The following POU6F2 variants were observed in gnomAD, a reference collection of about 807,000 sequenced individuals.
POU6F2 encodes POU domain, class 6, transcription factor 2.
Under a neutral mutation model 71.3 loss-of-function variants are expected in POU6F2, and 31 were observed. That is an observed-to-expected ratio of 0.43 (90% CI 0.33 to 0.59). POU6F2 has a LOEUF of 0.59. Ranked by LOEUF, POU6F2 falls within the 20% of genes least tolerant of loss-of-function variation. The probability of loss-of-function intolerance (pLI) is 0.04; values close to 1 mark genes in which losing one functional copy is unlikely to be tolerated. For missense variants in POU6F2, 783 were observed against 856.8 expected (o/e 0.91, Z 1.07); for synonymous variants, 347 against 355.7 (o/e 0.98, Z 0.27).
At chr7:39,023,964 CT>C (rs1431847241) in intron 1 of POU6F2, among the ~76,000 whole-genome samples, 12 of 152,130 alleles carry the variant, frequency 7.9e-5, no homozygotes, top group Non-Finnish European at 2.9e-5. Flanking sequence ...AAAACCTTTG[CT>C]TAGGATTGAC....
Position 39,460,829 on chromosome 7 carries a change from CAA to C in POU6F2, c.1658+116_1658+117del, listed in dbSNP as rs1273287067. 1 of 1,251,526 alleles carries C rather than the reference CAA, an allele frequency of 8.0e-7. No individual in the cohort carries two copies. The highest frequency in any genetic ancestry group is 1.5e-5 in the African/African-American group (1 of 66,074). 77.5% of individuals were successfully genotyped at this position (1,251,526 alleles called of 1,614,324 possible). On this transcript the variant is annotated intron_variant, in intron 9 of 9. Transcript: ENST00000518318. This position sits in a 1 kb window ranked among gnomAD's most constrained non-coding sequence, Gnocchi z 4.4. Reference sequence around the variant, plus strand: ...AAGCTGGAGGGGCAGAGAGTGGGAACAAAGTTTGGGGGCAGCTATATGTTGGG... The same window carrying C: ...AAGCTGGAGGGGCAGAGAGTGGGAACAGTTTGGGGGCAGCTATATGTTGGG...
At chr7:39,059,392 A>G (rs577300144) in intron 1 of POU6F2, among the ~76,000 whole-genome samples, 23 of 152,202 alleles carry the variant, frequency 1.5e-4, no homozygotes, top group African/African-American at 5.1e-4. Context: ...CTTGCATGTG[A>G]TATTTAAAGT....
intron 2 of POU6F2, among the ~76,000 whole-genome samples, chr7:39,152,294 C>T (rs1250309518): frequency 6.6e-6 from 1 of 152,068 alleles, no homozygotes; most frequent in Middle Eastern, 3.2e-3. Flanking sequence ...ATAAGTGACC[C>T]CCCAGCTAGT....
intron 2 of POU6F2, among the ~76,000 whole-genome samples, chr7:39,200,238 C>G (rs1793870460): frequency 6.6e-6 from 1 of 152,168 alleles, no homozygotes. Flanking sequence ...CTGCTGGCTC[C>G]CTGTGGTCTT....
chr7:39,000,300 C>T (rs769936976), intron 1 of POU6F2, among the ~76,000 whole-genome samples: 3 of 152,278 alleles, frequency 2.0e-5, no homozygotes, highest in Admixed American at 6.5e-5. Flanking sequence ...TCAGAATATG[C>T]GTGCTTTTCT....
intron 1 of POU6F2, among the ~76,000 whole-genome samples, chr7:39,067,848 C>G (rs1790790700): frequency 6.6e-6 from 1 of 151,992 alleles, no homozygotes; most frequent in African/African-American, 2.4e-5. Flanking sequence ...TAATGAGATG[C>G]AAATTAAAAC....
intron 2 of POU6F2, among the ~76,000 whole-genome samples, chr7:39,117,373 CA>C (rs774854273): frequency 1.3e-5 from 2 of 152,058 alleles, no homozygotes; most frequent in Admixed American, 6.6e-5. Context: ...AAATTAAAAC[CA>C]AAAATGTTAG....
In POU6F2 at chr7:39,289,829, G is replaced by A. The variant is rs1784717641; in HGVS notation, c.599-49813G>A. Reference sequence around the variant, plus strand: ...ACATTTCCATTATTATTTGTAGTGTGGGGCAATCCTCATGGGGCTTGTCAT... The same window carrying A: ...ACATTTCCATTATTATTTGTAGTGTAGGGCAATCCTCATGGGGCTTGTCAT... On this transcript the variant is annotated intron_variant, in intron 4 of 9. Coordinates refer to ENST00000518318, the MANE Select transcript of POU6F2 (RefSeq NM_001370959.1). Among the ~76,000 whole-genome samples the A allele has an allele frequency of 2.0e-5, 3 of 152,118 alleles. 1 individual carries two copies. The South Asian group carries it at 6.2e-4, about 32-fold the overall frequency.
At chr7:39,254,789 G>T (rs887652175) in intron 4 of POU6F2, among the ~76,000 whole-genome samples, 12 of 152,128 alleles carry the variant, frequency 7.9e-5, no homozygotes, top group African/African-American at 2.7e-4. Context: ...GATCTGCCCT[G>T]CTCATGCATT....
intron 1 of POU6F2, among the ~76,000 whole-genome samples, chr7:39,018,061 T>G (rs1005504366): frequency 6.6e-6 from 1 of 152,158 alleles, no homozygotes; most frequent in Non-Finnish European, 1.5e-5. Context: ...CTTCCTAGCC[T>G]ATTGAAAAGT....
chr7:39,026,646 T>A (rs1006846467), intron 1 of POU6F2, among the ~76,000 whole-genome samples: 7 of 152,056 alleles, frequency 4.6e-5, no homozygotes, highest in Non-Finnish European at 8.8e-5. Flanking sequence ...ATATACCTAA[T>A]GCTAAATGAC....
intron 4 of POU6F2, among the ~76,000 whole-genome samples, chr7:39,252,319 G>T (rs1783936662): frequency 6.6e-6 from 1 of 151,182 alleles, no homozygotes; most frequent in African/African-American, 2.4e-5. Flanking sequence ...CTACAAACCA[G>T]TTACAAAGTT....
intron 4 of POU6F2, among the ~76,000 whole-genome samples, chr7:39,307,004 G>C (rs1270910846): frequency 1.3e-5 from 2 of 152,168 alleles, no homozygotes. Context: ...AGGGGTGCAG[G>C]GGATGTCACT....
Position 39,148,186 on chromosome 7 carries a change from T to G in POU6F2, c.278-56049T>G, listed in dbSNP as rs191295043. ...CTTACCTAGGATATGGTTGACCTTT[T>G]TGCCAGTGGGCACTTTTCTGTAGAC... On this transcript the variant is annotated intron_variant, in intron 2 of 9. Coordinates refer to ENST00000518318, the MANE Select transcript of POU6F2 (RefSeq NM_001370959.1). 5.6e-3 allele frequency among the ~76,000 whole-genome samples: 856 copies of G among 152,328 alleles called. 32 individuals carry two copies. Among genetic ancestry groups the G allele is most frequent in the Non-Finnish European group, 7.9e-4 (54 of 68,030 alleles).
intron 5 of POU6F2, among the ~76,000 whole-genome samples, chr7:39,346,565 C>G (rs980353124): frequency 3.9e-5 from 6 of 152,224 alleles, no homozygotes; most frequent in African/African-American, 1.4e-4. Context: ...AGTCCCTTCA[C>G]TGTTGGATGG....
At chr7:39,407,956 C>G (rs549004169) in intron 6 of POU6F2, among the ~76,000 whole-genome samples, 5 of 152,212 alleles carry the variant, frequency 3.3e-5, no homozygotes, top group Non-Finnish European at 7.3e-5. Flanking sequence ...GTTGTATGAA[C>G]ACTGTGCCCT....
At chr7:39,358,830 C>T (rs1786316032) in intron 5 of POU6F2, among the ~76,000 whole-genome samples, 2 of 148,770 alleles carry the variant, frequency 1.3e-5, no homozygotes, top group African/African-American at 5.0e-5. Flanking sequence ...TCTGGCTAAC[C>T]CTGAGAATAG....
intron 2 of POU6F2, among the ~76,000 whole-genome samples, chr7:39,192,587 T>C (rs1049393581): frequency 1.3e-5 from 2 of 152,210 alleles, no homozygotes; most frequent in African/African-American, 4.8e-5. Flanking sequence ...ATAAATATGG[T>C]TCCCTTTAAG....
In POU6F2 at chr7:39,433,422, T is replaced by C. The variant is rs564141473; in HGVS notation, c.1320+139T>C. On this transcript the variant is annotated intron_variant, in intron 7 of 9. Transcript: ENST00000518318. ...ACTCATCTGAACATATCGATACTTA[T>C]AAAATGGCATGTAACTCTTTTTCAT... 23 of 875,790 alleles carry C rather than the reference T, an allele frequency of 2.6e-5. No individual in the cohort carries two copies. The South Asian group carries it at 4.5e-4, about 17-fold the overall frequency. 54.3% of individuals were successfully genotyped at this position (875,790 alleles called of 1,614,324 possible).
Sources: allele counts gnomAD v4.1 joint callset (sites outside exome capture counted in the v4.1 genomes callset), GRCh38; gene constraint gnomAD v4.1.1; non-coding constraint Gnocchi (gnomAD v3.1); transcripts MANE v1.5; gene names NCBI Gene and HGNC (gene_info 2026-07-23, HGNC 2026-07-21).